TENM4: variants seen among roughly 807,000 people sequenced by gnomAD.
The protein encoded by TENM4 is teneurin transmembrane protein 4, also known as teneurin-4.
Under a neutral mutation model 243.3 loss-of-function variants are expected in TENM4, and 82 were observed. The ratio of observed to expected loss-of-function variants is 0.34; its 90% CI spans 0.28 to 0.40. The LOEUF is 0.40. Ranked by LOEUF, TENM4 falls within the 10% of genes least tolerant of loss-of-function variation. The probability of loss-of-function intolerance (pLI) is 1.00; values close to 1 mark genes in which losing one functional copy is unlikely to be tolerated. For synonymous variants in TENM4, 1,412 were observed against 1,456.3 expected (o/e 0.97, Z 0.69); for missense variants, 3,138 against 3,673.3 (o/e 0.85, Z 3.77).
chr11:78,960,922 C>T (rs1857306811), intron 6 of TENM4, among the ~76,000 whole-genome samples: 1 of 152,038 alleles, frequency 6.6e-6, no homozygotes, highest in African/African-American at 2.4e-5. Context: ...TAACAGTTAC[C>T]ACACTCCTTC....
intron 1 of TENM4, among the ~76,000 whole-genome samples, chr11:79,425,488 A>G (rs1296635453): frequency 6.9e-6 from 1 of 145,204 alleles, no homozygotes; most frequent in African/African-American, 2.6e-5. Flanking sequence ...GACTAGCCCT[A>G]AACTCCTGGC....
rs1212324713 is a variant in TENM4 at position 78,722,936 on chromosome 11, A to C, written c.3551-19T>G. 1 of 1,607,202 alleles carries C rather than the reference A, an allele frequency of 6.2e-7. No homozygotes were observed. Among genetic ancestry groups the C allele is most frequent in the Admixed American group, 1.7e-5 (1 of 59,938 alleles). ...AGGATGCCTGGGACAAGGAAAGAAC[A>C]GAATTGCCTGTGGAGCAGGAAATGG... On this transcript the variant is annotated intron_variant, in intron 23 of 33. Coordinates refer to ENST00000278550, the MANE Select transcript of TENM4 (RefSeq NM_001098816.3).
intron 6 of TENM4, among the ~76,000 whole-genome samples, chr11:78,991,980 A>C (rs1002733138): frequency 1.3e-5 from 2 of 152,230 alleles, no homozygotes; most frequent in African/African-American, 4.8e-5. Context: ...CCAAGCTATA[A>C]GGCTGGGACA....
chr11:79,369,967 C>G (rs751863284), intron 1 of TENM4, among the ~76,000 whole-genome samples: 4 of 152,176 alleles, frequency 2.6e-5, no homozygotes, highest in Non-Finnish European at 5.9e-5. Context: ...AGCCCTGGCC[C>G]TGGGTCTCCA....
At chr11:79,012,379 A>G (rs1011477650) in intron 6 of TENM4, among the ~76,000 whole-genome samples, 10 of 152,166 alleles carry the variant, frequency 6.6e-5, no homozygotes, top group African/African-American at 2.4e-4. Flanking sequence ...TCTTGCCTGG[A>G]AAAGCTTGAA....
chr11:78,769,189 T>C (rs1262349220), intron 18 of TENM4, among the ~76,000 whole-genome samples: 2 of 152,198 alleles, frequency 1.3e-5, no homozygotes, highest in African/African-American at 2.4e-5. Context: ...ACAGGCAAAC[T>C]GAAGGGGAAT....
At chr11:78,849,117 C>T (rs1858469872) in intron 12 of TENM4, among the ~76,000 whole-genome samples, 1 of 152,230 alleles carries the variant, frequency 6.6e-6, no homozygotes, top group Admixed American at 6.5e-5. Flanking sequence ...TCAGGCTGAT[C>T]TGTCCTCTAT....
intron 6 of TENM4, among the ~76,000 whole-genome samples, chr11:78,992,932 G>A (rs760797357): frequency 3.5e-4 from 53 of 152,262 alleles, no homozygotes; most frequent in Non-Finnish European, 6.5e-4. Flanking sequence ...TCTGAAAGGG[G>A]AGGCATAATT....
At chr11:78,822,913 T>C (rs1857764567) in intron 12 of TENM4, among the ~76,000 whole-genome samples, 1 of 152,192 alleles carries the variant, frequency 6.6e-6, no homozygotes, top group Admixed American at 6.5e-5. Flanking sequence ...CTTAACTTTT[T>C]AACCCTCCCT....
intron 1 of TENM4, among the ~76,000 whole-genome samples, chr11:79,437,460 G>C (rs978304767): frequency 2.0e-5 from 3 of 152,092 alleles, no homozygotes; most frequent in Non-Finnish European, 4.4e-5. Flanking sequence ...GGCGCTTGCG[G>C]CTGGAACTTG....
At chr11:79,285,008 G>A (rs1317972290) in intron 2 of TENM4, among the ~76,000 whole-genome samples, 1 of 152,134 alleles carries the variant, frequency 6.6e-6, no homozygotes, top group Non-Finnish European at 1.5e-5. Context: ...GGGAGGCAGA[G>A]GTGGGCAGAT....
At chr11:78,981,737 T>A (rs924088251) in intron 6 of TENM4, among the ~76,000 whole-genome samples, 1 of 152,326 alleles carries the variant, frequency 6.6e-6, no homozygotes. Context: ...ACGATAATCA[T>A]TGAAGCCGGT....
intron 3 of TENM4, among the ~76,000 whole-genome samples, chr11:79,201,978 C>T (rs1863747471): frequency 2.0e-5 from 3 of 152,290 alleles, no homozygotes; most frequent in Middle Eastern, 6.8e-3. Flanking sequence ...ATAGGATTCA[C>T]ACGGCTTTGT....
Position 79,138,360 on chromosome 11 carries a change from A to G in TENM4, c.-66+10350T>C, listed in dbSNP as rs555958013. Among the ~76,000 whole-genome samples, 3 of 124,566 alleles carry G rather than the reference A, an allele frequency of 2.4e-5. No homozygotes were observed. The East Asian group carries it at 6.4e-4, about 27-fold the overall frequency. The allele number at this position is 124,566 out of a possible 152,430, so 81.7% of individuals were successfully genotyped here. A position where few individuals can be genotyped will look rare whatever the true frequency, so the allele number is the denominator to read the frequency against. On this transcript the variant is annotated intron_variant, in intron 4 of 33. Coordinates refer to ENST00000278550, the MANE Select transcript of TENM4 (RefSeq NM_001098816.3). ...TATATAATATATAAAAATATATAAT[A>G]TATAATATAAATATAATATATATTA...
intron 6 of TENM4, among the ~76,000 whole-genome samples, chr11:79,038,145 C>T (rs753801269): frequency 1.3e-5 from 2 of 152,222 alleles, no homozygotes; most frequent in Non-Finnish European, 2.9e-5. Flanking sequence ...CAATATCCAG[C>T]ATAGGGCCTG....
At chr11:79,167,979 T>G (rs1216485901) in intron 3 of TENM4, among the ~76,000 whole-genome samples, 2 of 152,228 alleles carry the variant, frequency 1.3e-5, no homozygotes, top group Non-Finnish European at 2.9e-5. Context: ...TGGTTCCCTG[T>G]GCAGACTCTC....
At chr11:78,730,980 C>T (rs1372335890) in intron 21 of TENM4, among the ~76,000 whole-genome samples, 1 of 152,172 alleles carries the variant, frequency 6.6e-6, no homozygotes, top group Middle Eastern at 3.2e-3. Flanking sequence ...CTTTAACATA[C>T]CCTTTAAAAT....
intron 4 of TENM4, among the ~76,000 whole-genome samples, chr11:79,147,466 A>G (rs1357932471): frequency 2.6e-5 from 4 of 151,968 alleles, no homozygotes; most frequent in African/African-American, 7.2e-5. Flanking sequence ...TCTGACTCTG[A>G]GAAGTAGAGT....
chr11:79,132,058 T>C (rs2137163898), intron 4 of TENM4, among the ~76,000 whole-genome samples: 1 of 151,806 alleles, frequency 6.6e-6, no homozygotes, highest in East Asian at 1.9e-4. Flanking sequence ...ACCTACGAAA[T>C]AAGGCTAGGC....
Sources: gnomAD v4.1 joint callset for allele counts (sites outside exome capture counted in the v4.1 genomes callset) on GRCh38, gnomAD v4.1.1 for gene constraint, MANE v1.5 for transcripts, NCBI Gene and HGNC (gene_info 2026-07-23, HGNC 2026-07-21) for gene names.